PRP4K: variants seen among roughly 807,000 people sequenced by gnomAD.
The protein encoded by PRP4K is serine/threonine-protein kinase PRP4 homolog.
chr6:4,021,318 A>T, the PRP4K span: 1 of 1,450,042 alleles, frequency 6.9e-7, no homozygotes, highest in East Asian at 2.5e-5. Context: ...GCTCTTCCCT[A>T]CACGGTCGGC....
chr6:4,022,304 G>GA, the PRP4K span, among the ~76,000 whole-genome samples: 4,919 of 137,288 alleles, frequency 0.036, 250 homozygotes, highest in African/African-American at 0.12. Flanking sequence ...AATGAAAAAT[G>GA]AAAAAAAAAA....
the PRP4K span, among the ~76,000 whole-genome samples, chr6:4,047,941 CACACAG>C: frequency 5.0e-5 from 7 of 140,890 alleles, no homozygotes; most frequent in Admixed American, 1.4e-4. Flanking sequence ...CACACACACA[CACACAG>C]AGCAATAGGA....
chr6:4,056,681 T>G, the PRP4K span: 2 of 1,552,598 alleles, frequency 1.3e-6, no homozygotes, highest in Non-Finnish European at 1.7e-6. Flanking sequence ...TGCTCTTGAT[T>G]ATTCAAGGTC....
chr6:4,049,185 T>G, the PRP4K span: 14 of 1,307,538 alleles, frequency 1.1e-5, no homozygotes, highest in Non-Finnish European at 1.4e-5. Flanking sequence ...AATCACAGAT[T>G]ATTGGAGAAC....
the PRP4K span, among the ~76,000 whole-genome samples, chr6:4,054,091 T>A: frequency 5.3e-5 from 8 of 151,874 alleles, no homozygotes; most frequent in African/African-American, 9.7e-5. Flanking sequence ...TTAAAAAAAA[T>A]TTTTTTTAGA....
the PRP4K span, chr6:4,031,965 A>T: frequency 1.2e-6 from 2 of 1,614,102 alleles, no homozygotes; most frequent in Non-Finnish European, 1.7e-6. Context: ...AGAGGGGGAA[A>T]TTCATGAAAA....
At chr6:4,034,328 A>T in the PRP4K span, among the ~76,000 whole-genome samples, 1 of 152,170 alleles carries the variant, frequency 6.6e-6, no homozygotes, top group Non-Finnish European at 1.5e-5. Context: ...GAAACTGATG[A>T]AAAATTTAGG....
chr6:4,046,568 G>T, the PRP4K span, among the ~76,000 whole-genome samples: 99,726 of 152,026 alleles, frequency 0.66, 32,966 homozygotes, highest in East Asian at 0.77. Context: ...ATGTTTTAAA[G>T]ATGAGCTTTT....
At chr6:4,029,327 C>A in the PRP4K span, among the ~76,000 whole-genome samples, 1 of 142,202 alleles carries the variant, frequency 7.0e-6, no homozygotes, top group Non-Finnish European at 1.5e-5. Context: ...TTCTCTAGGG[C>A]GGTGTTACTC....
chr6:4,057,007 G>A, the PRP4K span: 215 of 1,515,500 alleles, frequency 1.4e-4, no homozygotes, highest in African/African-American at 2.7e-3. Context: ...CTCTATCCTC[G>A]TATATTAAAA....
the PRP4K span, chr6:4,051,884 A>G: frequency 8.0e-6 from 8 of 999,714 alleles, no homozygotes; most frequent in African/African-American, 1.2e-4. Context: ...TACTGGGGCT[A>G]GCAAATACAT....
At chr6:4,043,899 A>G in the PRP4K span, 2 of 1,614,228 alleles carry the variant, frequency 1.2e-6, no homozygotes, top group Non-Finnish European at 1.7e-6. Flanking sequence ...CACGATCACC[A>G]TCTCCAGATG....
the PRP4K span, chr6:4,056,559 C>A: frequency 2.5e-6 from 4 of 1,599,580 alleles, no homozygotes; most frequent in Non-Finnish European, 8.5e-7. Context: ...AGGAAGGGAA[C>A]CATAGCAAGT....
chr6:4,037,716 A>G, the PRP4K span: 12 of 643,260 alleles, frequency 1.9e-5, no homozygotes, highest in African/African-American at 2.1e-4. Context: ...AGCAATCTCT[A>G]CACATGGGTT....
chr6:4,038,419 G>A, the PRP4K span, among the ~76,000 whole-genome samples: 3 of 151,334 alleles, frequency 2.0e-5, no homozygotes, highest in Admixed American at 1.3e-4. Flanking sequence ...AAGTAGCTGG[G>A]ACTAGAGGTG....
the PRP4K span, among the ~76,000 whole-genome samples, chr6:4,028,216 G>A: frequency 6.6e-6 from 1 of 151,752 alleles, no homozygotes; most frequent in East Asian, 1.9e-4. Context: ...TTTGAGATAG[G>A]GTCTTCCTTT....
At chr6:4,059,578 A>C in the PRP4K span, among the ~76,000 whole-genome samples, 1 of 152,232 alleles carries the variant, frequency 6.6e-6, no homozygotes. Context: ...AGGTAGGGAA[A>C]GTACAGTGCA....
the PRP4K span, among the ~76,000 whole-genome samples, chr6:4,032,981 A>G: frequency 6.6e-6 from 1 of 152,224 alleles, no homozygotes; most frequent in Non-Finnish European, 1.5e-5. Context: ...ACTGAGCTTG[A>G]TGATAGAATT....
At chr6:4,034,759 C>G in the PRP4K span, among the ~76,000 whole-genome samples, 1 of 151,874 alleles carries the variant, frequency 6.6e-6, no homozygotes, top group Non-Finnish European at 1.5e-5. Context: ...TGTTGCCAGG[C>G]TGGAGTGCAG....
Sources: gnomAD v4.1 joint callset for allele counts (sites outside exome capture counted in the v4.1 genomes callset) on GRCh38, gnomAD v4.1.1 for gene constraint, MANE v1.5 for transcripts, NCBI Gene and HGNC (gene_info 2026-07-23, HGNC 2026-07-21) for gene names.